TTC28: variants seen among roughly 807,000 people sequenced by gnomAD.
TTC28 encodes the protein tetratricopeptide repeat protein 28.
In TTC28, 61 loss-of-function variants were observed where a neutral mutation model predicts 198.0. The ratio of observed to expected loss-of-function variants is 0.31; its 90% CI spans 0.25 to 0.38. TTC28 has a LOEUF of 0.38. Among genes scored for constraint, TTC28 ranks in the 10% least tolerant of loss-of-function variants. The pLI, the probability that TTC28 is intolerant of heterozygous loss-of-function variation, is 1.00. For missense variants in TTC28, 2,678 were observed against 3,164.0 expected (o/e 0.85, Z 3.69); for synonymous variants, 1,171 against 1,297.8 (o/e 0.90, Z 2.10).
chr22:28,497,580 G>A (rs1180134444), intron 2 of TTC28, among the ~76,000 whole-genome samples: 2 of 152,136 alleles, frequency 1.3e-5, no homozygotes, highest in East Asian at 3.9e-4. Flanking sequence ...GTTCACTCAA[G>A]TTTGCTAGTG....
At chr22:28,547,000 G>A (rs2049557483) in intron 2 of TTC28, among the ~76,000 whole-genome samples, 1 of 152,138 alleles carries the variant, frequency 6.6e-6, no homozygotes, top group Middle Eastern at 3.2e-3. Flanking sequence ...CTAGAAAAGG[G>A]CAAAGGGAAC....
At chr22:28,304,491 T>A (rs1356752214) in intron 3 of TTC28, among the ~76,000 whole-genome samples, 1 of 152,128 alleles carries the variant, frequency 6.6e-6, no homozygotes, top group Non-Finnish European at 1.5e-5. Context: ...TAAATTAAAT[T>A]GCCTTAAGGG....
intron 2 of TTC28, among the ~76,000 whole-genome samples, chr22:28,444,348 G>A (rs1347079532): frequency 7.2e-5 from 11 of 152,184 alleles, no homozygotes; most frequent in Non-Finnish European, 1.5e-5. Flanking sequence ...ATTAGCTAAT[G>A]TGGGAGATTA....
At chr22:28,384,850 TAGAC>T (rs1049748619) in intron 2 of TTC28, among the ~76,000 whole-genome samples, 1 of 152,018 alleles carries the variant, frequency 6.6e-6, no homozygotes, top group African/African-American at 2.4e-5. Context: ...CTTTAAAAAT[TAGAC>T]AGGTGGCTGG....
chr22:28,573,230 G>A (rs2050091293), intron 2 of TTC28, among the ~76,000 whole-genome samples: 1 of 151,966 alleles, frequency 6.6e-6, no homozygotes, highest in South Asian at 2.1e-4. Flanking sequence ...GCTGAGGTGG[G>A]CGGATCACAG....
chr22:27,991,277 C>G (rs1463080627), intron 19 of TTC28, among the ~76,000 whole-genome samples: 1 of 152,218 alleles, frequency 6.6e-6, no homozygotes, highest in East Asian at 1.9e-4. Context: ...GCTTTTTGGC[C>G]TCTCAGCACA....
At chr22:28,127,761 G>A (rs924220516) in intron 6 of TTC28, among the ~76,000 whole-genome samples, 4 of 152,084 alleles carry the variant, frequency 2.6e-5, no homozygotes, top group Non-Finnish European at 4.4e-5. Context: ...TCCATAGGCT[G>A]TCACCTAGGC....
chr22:28,391,944 T>G (rs1036988962), intron 2 of TTC28, among the ~76,000 whole-genome samples: 15 of 152,254 alleles, frequency 9.9e-5, no homozygotes, highest in Non-Finnish European at 2.1e-4. Context: ...TCAGTTTTTC[T>G]GCTCTGTTTT....
At chr22:28,511,389 C>A (rs2048686600) in intron 2 of TTC28, among the ~76,000 whole-genome samples, 1 of 152,102 alleles carries the variant, frequency 6.6e-6, no homozygotes, top group African/African-American at 2.4e-5. Flanking sequence ...ACAAACCTGA[C>A]AAAAACAAGC....
chr22:28,459,424 C>A (rs139017577), intron 2 of TTC28, among the ~76,000 whole-genome samples: 17 of 151,778 alleles, frequency 1.1e-4, no homozygotes, highest in Non-Finnish European at 2.5e-4. Flanking sequence ...GAGTGAGACC[C>A]GGTTTCAAAG....
chr22:28,067,944 A>C (rs1056854632), intron 12 of TTC28, among the ~76,000 whole-genome samples: 2 of 152,192 alleles, frequency 1.3e-5, no homozygotes, highest in Non-Finnish European at 2.9e-5. Flanking sequence ...AGCTATGTAA[A>C]AGTTGAGTAG....
rs1402202952 is a variant in TTC28 at position 27,981,516 on chromosome 22, T to A, written c.*705A>T. 3 of 151,866 alleles carry A rather than the reference T, an allele frequency of 2.0e-5. No homozygotes were observed. The highest frequency in any genetic ancestry group is 4.4e-5 in the Non-Finnish European group (3 of 67,962). 9.4% of individuals were successfully genotyped at this position (151,866 alleles called of 1,614,324 possible). A position where few individuals can be genotyped will look rare whatever the true frequency, so the allele number is the denominator to read the frequency against. On this transcript the variant is annotated 3_prime_UTR_variant, in exon 23 of 23. Transcript: ENST00000397906. ...TAGTTCTAAAATGCCTGGATAAGAG[T>A]TACATAATTTTTTTTTTAAGAAAAT...
chr22:28,576,134 G>A (rs1204576020), intron 2 of TTC28, among the ~76,000 whole-genome samples: 1 of 151,188 alleles, frequency 6.6e-6, no homozygotes, highest in Admixed American at 6.6e-5. Flanking sequence ...TAGCTCTGTT[G>A]TACATGGCTT....
At chr22:28,554,464 C>G (rs1198674963) in intron 2 of TTC28, among the ~76,000 whole-genome samples, 1 of 151,792 alleles carries the variant, frequency 6.6e-6, no homozygotes, top group Non-Finnish European at 1.5e-5. Context: ...CCCTTCTAGA[C>G]ACTGGCTTAG....
At chr22:28,598,622 G>T (rs1411064376) in intron 2 of TTC28, among the ~76,000 whole-genome samples, 2 of 149,056 alleles carry the variant, frequency 1.3e-5, no homozygotes, top group African/African-American at 2.5e-5. Context: ...CCAACAAATA[G>T]TTACACATTT....
At chr22:28,677,173 AAAAT>A (rs1264990130) in intron 1 of TTC28, among the ~76,000 whole-genome samples, 71 of 24,286 alleles carry the variant, frequency 2.9e-3, no homozygotes, top group East Asian at 0.015. Context: ...AAAAAAAAAA[AAAAT>A]ATATATATAT....
rs1937104153 is a variant in TTC28, at chr22:27,983,741, G to A, written c.5926C>T (p.Pro1976Ser). The part of the protein sequence containing the change: ...NALPLGYQQP[P>S]FSPTGADSIA... ...CTGTCCGCACCGGTGGGAGAGAAGG[G>A]GGGTTGCTGGTAACCCAAGGGCAGG... Residue 1976 changes from proline to serine, a missense_variant, in exon 23 of 23, where the codon CCC becomes TCC. By Grantham distance (74) the Pro-to-Ser change is moderately conservative. This residue lies in a region of TTC28 where 622 missense variants were observed against 656.0 expected (regional missense o/e 0.95). Coordinates refer to ENST00000397906, the MANE Select transcript of TTC28 (RefSeq NM_001145418.2). 1.9e-6 allele frequency: 3 copies of A among 1,551,690 alleles called. No individual in the cohort carries two copies. Among genetic ancestry groups the A allele is most frequent in the Non-Finnish European group, 2.6e-6 (3 of 1,147,010 alleles).
chr22:28,107,002 A>G, intron 7 of TTC28, 60 bp downstream of exon 7: 2 of 1,483,990 alleles, frequency 1.3e-6, no homozygotes, highest in South Asian at 2.8e-5. Flanking sequence ...AGTTGCCTTT[A>G]CTGCCACAAA....
chr22:28,099,093 C>T (rs1215450346), intron 9 of TTC28, 49 bp from the exon 10 acceptor site: 7 of 1,547,440 alleles, frequency 4.5e-6, no homozygotes, highest in African/African-American at 2.7e-5. Flanking sequence ...AACCAATGTC[C>T]AGCTGTTTAC....
Sources: allele counts gnomAD v4.1 joint callset (sites outside exome capture counted in the v4.1 genomes callset), GRCh38; gene constraint gnomAD v4.1.1; regional missense constraint gnomAD v4.1.1; transcripts MANE v1.5; gene names NCBI Gene and HGNC (gene_info 2026-07-23, HGNC 2026-07-21).